The following SH3KBP1 variants were observed in gnomAD, a reference collection of about 807,000 sequenced individuals.
SH3KBP1 encodes the protein SH3 domain containing kinase binding protein 1.
Under a neutral mutation model 50.1 loss-of-function variants are expected in SH3KBP1, and 8 were observed. The ratio of observed to expected loss-of-function variants is 0.16; its 90% CI spans 0.09 to 0.29. The LOEUF is 0.29. Among genes scored for constraint, SH3KBP1 ranks in the 10% least tolerant of loss-of-function variants. SH3KBP1 has a pLI of 1.00. For missense variants in SH3KBP1, 377 were observed against 535.2 expected, an observed-to-expected ratio of 0.70 and a Z score of 2.92; for synonymous variants, 227 against 218.6, an observed-to-expected ratio of 1.04 and a Z score of -0.34.
intron 2 of SH3KBP1, among the ~76,000 whole-genome samples, chrX:19,813,159 A>AG (rs1159016899): frequency 1.5e-4 from 14 of 95,305 alleles, no homozygotes; most frequent in African/African-American, 4.8e-4. Flanking sequence ...CAAACAAAAA[A>AG]AAAGAAGAAG....
chrX:19,878,521 AG>A (rs1569494065), intron 1 of SH3KBP1, among the ~76,000 whole-genome samples: 4 of 103,309 alleles, frequency 3.9e-5, no homozygotes, highest in African/African-American at 1.5e-4. Context: ...AGAGAGAGAG[AG>A]AGAGAGAGAG....
chrX:19,727,111 G>A (rs2064242092), intron 3 of SH3KBP1, among the ~76,000 whole-genome samples: 1 of 111,775 alleles, frequency 8.9e-6, no homozygotes. Flanking sequence ...GTAGAAGGGT[G>A]TTGGGTATTT....
chrX:19,793,528 A>G (rs746858863), intron 2 of SH3KBP1, among the ~76,000 whole-genome samples: 1 of 110,012 alleles, frequency 9.1e-6, no homozygotes, highest in Admixed American at 9.7e-5. Flanking sequence ...CCCACCTCTG[A>G]GTGCACAAGA....
At chrX:19,823,418 C>A in intron 2 of SH3KBP1, among the ~76,000 whole-genome samples, 1 of 111,939 alleles carries the variant, frequency 8.9e-6, no homozygotes. Flanking sequence ...CAGCACCTTG[C>A]GGCCGTAGGT....
At chrX:19,811,868 G>A (rs2067216471) in intron 2 of SH3KBP1, among the ~76,000 whole-genome samples, 1 of 111,536 alleles carries the variant, frequency 9.0e-6, no homozygotes, top group Non-Finnish European at 1.9e-5. Context: ...AACCTTTACT[G>A]GCAACCAGTG....
intron 8 of SH3KBP1, among the ~76,000 whole-genome samples, chrX:19,612,636 T>TA (rs1421739655): frequency 2.0e-3 from 223 of 110,261 alleles, no homozygotes; most frequent in Non-Finnish European, 3.6e-3. Context: ...CTGGGAATTT[T>TA]AAAAAAAAAT....
At chrX:19,732,509 A>G (rs1939729854) in intron 3 of SH3KBP1, among the ~76,000 whole-genome samples, 1 of 109,295 alleles carries the variant, frequency 9.1e-6, no homozygotes, top group African/African-American at 3.3e-5. Context: ...AAAAAAATCT[A>G]CATATAAGTG....
intron 3 of SH3KBP1, among the ~76,000 whole-genome samples, chrX:19,721,714 C>G (rs2080159602): frequency 9.0e-6 from 1 of 111,700 alleles, no homozygotes; most frequent in Non-Finnish European, 1.9e-5. Flanking sequence ...ATTGTAATTT[C>G]CAGGCTGGGT....
intron 9 of SH3KBP1, among the ~76,000 whole-genome samples, chrX:19,598,967 G>T (rs1448657339): frequency 8.9e-6 from 1 of 112,161 alleles, no homozygotes; most frequent in Non-Finnish European, 1.9e-5. Context: ...TCCACATAGG[G>T]TTACCACAAC....
intron 1 of SH3KBP1, among the ~76,000 whole-genome samples, chrX:19,838,681 G>A (rs1314437911): frequency 9.0e-6 from 1 of 110,900 alleles, no homozygotes; most frequent in Admixed American, 9.6e-5. Context: ...AAGGTCAGGA[G>A]TTTGAGACCT....
intron 7 of SH3KBP1, among the ~76,000 whole-genome samples, chrX:19,635,900 G>C (rs1443872481): frequency 1.8e-5 from 2 of 111,951 alleles, no homozygotes; most frequent in Non-Finnish European, 3.8e-5. Flanking sequence ...TTGTGTTTCA[G>C]AGAAAGGCAA....
chrX:19,686,107 A>T (rs1028742533), intron 5 of SH3KBP1, among the ~76,000 whole-genome samples: 2 of 111,850 alleles, frequency 1.8e-5, no homozygotes, highest in Non-Finnish European at 3.8e-5. Flanking sequence ...GAGGTTGCAC[A>T]GTCATTCAAC....
intron 9 of SH3KBP1, among the ~76,000 whole-genome samples, chrX:19,606,383 C>T (rs150143164): frequency 0.021 from 2,345 of 112,297 alleles, 71 homozygotes; most frequent in African/African-American, 0.072. Flanking sequence ...CTTACTCCTG[C>T]GTCCTACTAT....
chrX:19,767,995 C>G (rs747487525), intron 2 of SH3KBP1, among the ~76,000 whole-genome samples: 13 of 110,938 alleles, frequency 1.2e-4, no homozygotes, highest in Non-Finnish European at 2.3e-4. Flanking sequence ...AATGAAAATG[C>G]AGAATGGTTT....
chrX:19,772,627 AAG>A (rs2065823993), intron 2 of SH3KBP1, among the ~76,000 whole-genome samples: 1 of 111,640 alleles, frequency 9.0e-6, no homozygotes, highest in Non-Finnish European at 1.9e-5. Flanking sequence ...TCCCAGGGAG[AAG>A]AGTTTCTGCA....
At chrX:19,752,980 C>T (rs1404663191) in intron 2 of SH3KBP1, among the ~76,000 whole-genome samples, 2 of 111,596 alleles carry the variant, frequency 1.8e-5, no homozygotes, top group Non-Finnish European at 3.8e-5. Flanking sequence ...GATCTGTTCC[C>T]AAGAGGGCAT....
intron 2 of SH3KBP1, among the ~76,000 whole-genome samples, chrX:19,819,023 G>A (rs764148608): frequency 5.3e-4 from 59 of 111,722 alleles, no homozygotes; most frequent in Non-Finnish European, 9.2e-4. Context: ...AAATTATGAC[G>A]AAAAACCTCT....
chrX:19,788,278 A>AC (rs2066415595), intron 2 of SH3KBP1, among the ~76,000 whole-genome samples: 1 of 102,607 alleles, frequency 9.7e-6, no homozygotes, highest in African/African-American at 3.8e-5. Flanking sequence ...CCAAAAAAAA[A>AC]AAAAAAACAA....
chrX:19,658,228 G>A (rs1391359935), intron 6 of SH3KBP1, among the ~76,000 whole-genome samples: 2 of 111,812 alleles, frequency 1.8e-5, no homozygotes. Flanking sequence ...TATCTAATGA[G>A]GTGAGTCAGA....
Sources: allele counts gnomAD v4.1 joint callset (sites outside exome capture counted in the v4.1 genomes callset), GRCh38; gene constraint gnomAD v4.1.1; transcripts MANE v1.5; gene names NCBI Gene and HGNC (gene_info 2026-07-23, HGNC 2026-07-21).